Variants in BRINP3 observed in about 807,000 individuals in gnomAD.
The protein encoded by BRINP3 is BMP/retinoic acid-inducible neural-specific protein 3.
In BRINP3, 19 loss-of-function variants were observed where a neutral mutation model predicts 71.0. The ratio of observed to expected loss-of-function variants is 0.27; its 90% CI spans 0.19 to 0.39. The LOEUF (loss-of-function observed/expected upper bound fraction) is 0.39, where lower values mean the gene tolerates loss of function less well. Among genes scored for constraint, BRINP3 ranks in the 10% least tolerant of loss-of-function variants. The probability of loss-of-function intolerance (pLI) is 1.00; values close to 1 mark genes in which losing one functional copy is unlikely to be tolerated. For synonymous variants in BRINP3, 380 were observed against 337.7 expected (o/e 1.13, Z -1.37); for missense variants, 959 against 940.8 (o/e 1.02, Z -0.25).
chr1:190,241,633 G>T (rs770923964), intron 4 of BRINP3, among the ~76,000 whole-genome samples: 2 of 151,906 alleles, frequency 1.3e-5, no homozygotes, highest in Non-Finnish European at 2.9e-5. Context: ...AAGGCCAAAT[G>T]AATTAACTTT....
At position 190,396,713 on chromosome 1, in the gene BRINP3, GAT is replaced by G. The variant is rs3077327; in HGVS notation, c.236+57940_236+57941del. Among the ~76,000 whole-genome samples, 710 of 100,956 alleles carry G rather than the reference GAT, an allele frequency of 7.0e-3. 17 individuals carry two copies. Among genetic ancestry groups the G allele is most frequent in the South Asian group, 0.019 (54 of 2,850 alleles). 66.2% of individuals were successfully genotyped at this position (100,956 alleles called of 152,430 possible). A position where few individuals can be genotyped will look rare whatever the true frequency, so the allele number is the denominator to read the frequency against. ...ACGCACTATGCATTCCTAATTTAAT[GAT>G]ATATATATATATATATATATATATG... is the stretch of plus-strand genomic sequence containing the variant. On this transcript the variant is annotated intron_variant, in intron 2 of 7. Transcript: ENST00000367462.
At chr1:190,380,327 G>A (rs1235452437) in intron 2 of BRINP3, among the ~76,000 whole-genome samples, 1 of 152,142 alleles carries the variant, frequency 6.6e-6, no homozygotes, top group Non-Finnish European at 1.5e-5. Context: ...GTCATGGTGA[G>A]GGAATAGAGA....
intron 7 of BRINP3, among the ~76,000 whole-genome samples, chr1:190,105,617 G>A (rs1410043102): frequency 6.6e-6 from 1 of 152,006 alleles, no homozygotes; most frequent in Non-Finnish European, 1.5e-5. Flanking sequence ...GAGTGTCAGA[G>A]CTAAAGGTTT....
intron 6 of BRINP3, among the ~76,000 whole-genome samples, chr1:190,164,741 T>C (rs572383199): frequency 6.6e-6 from 1 of 151,916 alleles, no homozygotes; most frequent in African/African-American, 2.4e-5. Flanking sequence ...CATGCCTAGC[T>C]AATATTTTAT....
At chr1:190,278,018 T>C (rs1662739837) in intron 3 of BRINP3, among the ~76,000 whole-genome samples, 1 of 151,800 alleles carries the variant, frequency 6.6e-6, no homozygotes, top group South Asian at 2.1e-4. Flanking sequence ...ACTGGCTTTA[T>C]CTGTCATAAA....
intron 2 of BRINP3, among the ~76,000 whole-genome samples, chr1:190,347,100 A>C (rs1354096842): frequency 6.6e-6 from 1 of 152,086 alleles, no homozygotes; most frequent in African/African-American, 2.4e-5. Context: ...CTATCATTTG[A>C]GTGCATGTTA....
chr1:190,107,808 G>A lies in BRINP3; in HGVS notation c.1185-8674C>T, dbSNP rs74634602. Among the ~76,000 whole-genome samples, 111 of 152,020 alleles carry A rather than the reference G, an allele frequency of 7.3e-4. No individual in the cohort carries two copies. The East Asian group carries it at 0.021, about 28-fold the overall frequency. ...CTTATGTTGGCGAGAAAATGTAACA[G>A]TGAACACTCTTAAAAACTCTTTTAC... is the stretch of plus-strand genomic sequence containing the variant. On this transcript the variant is annotated intron_variant, in intron 7 of 7. Coordinates refer to ENST00000367462, the MANE Select transcript of BRINP3 (RefSeq NM_199051.3).
chr1:190,350,041 A>G (rs182124489), intron 2 of BRINP3, among the ~76,000 whole-genome samples: 10 of 152,220 alleles, frequency 6.6e-5, no homozygotes, highest in Admixed American at 5.9e-4. Context: ...CAGAGGCCAG[A>G]ATTAACATTA....
At chr1:190,198,212 AT>A (rs563172358) in intron 6 of BRINP3, among the ~76,000 whole-genome samples, 101 of 152,034 alleles carry the variant, frequency 6.6e-4, no homozygotes, top group African/African-American at 2.0e-3. Flanking sequence ...CCAGAAAATC[AT>A]TTTTTTCTCC....
intron 1 of BRINP3, 99 bp from the exon 2 acceptor site, chr1:190,455,039 T>A (rs1290592026): frequency 8.7e-6 from 5 of 574,954 alleles, no homozygotes. Context: ...TCTAATATCA[T>A]TGTTTTAAAT....
chr1:190,450,166 C>A (rs1675510329), intron 2 of BRINP3, among the ~76,000 whole-genome samples: 1 of 152,030 alleles, frequency 6.6e-6, no homozygotes, highest in African/African-American at 2.4e-5. Context: ...AAGGTAGGAT[C>A]CTGTCGTAGA....
At chr1:190,198,784 T>C (rs1327767768) in intron 6 of BRINP3, among the ~76,000 whole-genome samples, 1 of 152,160 alleles carries the variant, frequency 6.6e-6, no homozygotes, top group African/African-American at 2.4e-5. Context: ...AACAAGTCTC[T>C]AAGAAGTTCC....
At chr1:190,373,132 A>T (rs1669964717) in intron 2 of BRINP3, among the ~76,000 whole-genome samples, 1 of 152,102 alleles carries the variant, frequency 6.6e-6, no homozygotes. Context: ...ACTGAATAAA[A>T]TTAAAATAGA....
At chr1:190,475,586 C>T (rs1304169139) in intron 1 of BRINP3, among the ~76,000 whole-genome samples, 2 of 152,166 alleles carry the variant, frequency 1.3e-5, no homozygotes, top group Non-Finnish European at 2.9e-5. Flanking sequence ...GCTGGTCAAC[C>T]AGGCACCTTG....
At chr1:190,130,099 T>C (rs572477282) in intron 7 of BRINP3, among the ~76,000 whole-genome samples, 4 of 151,986 alleles carry the variant, frequency 2.6e-5, no homozygotes, top group South Asian at 4.1e-4. Flanking sequence ...ACAAAAAAAT[T>C]TGTCTGACTT....
At chr1:190,267,120 G>A (rs965756125) in intron 3 of BRINP3, among the ~76,000 whole-genome samples, 2 of 152,058 alleles carry the variant, frequency 1.3e-5, no homozygotes, top group Non-Finnish European at 2.9e-5. Context: ...AGTAATGATA[G>A]AAATATATAC....
intron 7 of BRINP3, among the ~76,000 whole-genome samples, chr1:190,106,448 A>G (rs1198428186): frequency 6.6e-6 from 1 of 151,648 alleles, no homozygotes; most frequent in Non-Finnish European, 1.5e-5. Context: ...TAAACAATAA[A>G]TTTTAAGGAT....
chr1:190,258,420 A>T (rs1362550018), intron 4 of BRINP3, among the ~76,000 whole-genome samples: 2 of 151,460 alleles, frequency 1.3e-5, no homozygotes. Flanking sequence ...TTGGAAAAAT[A>T]AAAAAAAACA....
chr1:190,473,272 G>A (rs978759655), intron 1 of BRINP3, among the ~76,000 whole-genome samples: 9 of 151,996 alleles, frequency 5.9e-5, no homozygotes, highest in African/African-American at 1.9e-4. Flanking sequence ...TTTCCCTAGT[G>A]GAGGAAAAAC....
Sources: allele counts gnomAD v4.1 joint callset (sites outside exome capture counted in the v4.1 genomes callset), GRCh38; gene constraint gnomAD v4.1.1; transcripts MANE v1.5; gene names NCBI Gene and HGNC (gene_info 2026-07-23, HGNC 2026-07-21).